PLD5: variants seen among roughly 807,000 people sequenced by gnomAD.
PLD5 encodes the protein phospholipase D family member 5, also known as inactive phospholipase D5.
PLD5 carries 36 observed loss-of-function variants against 61.1 expected under a neutral mutation model. The ratio of observed to expected loss-of-function variants is 0.59; its 90% CI spans 0.45 to 0.78. PLD5 has a LOEUF of 0.78. PLD5 is among the 30% of genes least tolerant of loss of function. The pLI, the probability that PLD5 is intolerant of heterozygous loss-of-function variation, is 0.00. For synonymous variants in PLD5, 243 were observed against 242.8 expected (o/e 1.00, Z -0.01); for missense variants, 515 against 644.4 (o/e 0.80, Z 2.17).
intron 1 of PLD5, among the ~76,000 whole-genome samples, chr1:242,423,892 G>T (rs61845895): frequency 1.3e-5 from 2 of 151,990 alleles, no homozygotes; most frequent in Non-Finnish European, 1.5e-5. Context: ...CAGGGGCAAT[G>T]GTTTATTTTC....
intron 1 of PLD5, among the ~76,000 whole-genome samples, chr1:242,445,647 C>A (rs1017648094): frequency 3.3e-5 from 5 of 152,000 alleles, no homozygotes; most frequent in Admixed American, 2.6e-4. Context: ...TGGCAAATTT[C>A]TGTTGCTTTT....
chr1:242,335,080 C>T (rs976706267), intron 2 of PLD5, among the ~76,000 whole-genome samples: 10 of 151,970 alleles, frequency 6.6e-5, no homozygotes, highest in African/African-American at 2.2e-4. Context: ...TGTGAGACCC[C>T]ATCCACATGC....
chr1:242,181,231 G>T (rs185791103), intron 5 of PLD5, among the ~76,000 whole-genome samples: 28 of 152,276 alleles, frequency 1.8e-4, no homozygotes, highest in Admixed American at 1.6e-3. Flanking sequence ...GCTCTCAAAT[G>T]ATGCCAATAC....
chr1:242,403,445 C>A (rs1664051533), intron 1 of PLD5, among the ~76,000 whole-genome samples: 1 of 151,526 alleles, frequency 6.6e-6, no homozygotes, highest in East Asian at 1.9e-4. Flanking sequence ...CTTCAAGCTT[C>A]TCCCCATCAG....
intron 2 of PLD5, among the ~76,000 whole-genome samples, chr1:242,305,895 T>C (rs1676320557): frequency 6.6e-6 from 1 of 152,130 alleles, no homozygotes; most frequent in Admixed American, 6.5e-5. Context: ...ACAGGGTGTC[T>C]GGAGAGGAAT....
chr1:242,214,226 G>C (rs182434304), intron 5 of PLD5, among the ~76,000 whole-genome samples: 68 of 152,252 alleles, frequency 4.5e-4, no homozygotes, highest in Admixed American at 2.7e-3. Context: ...CAGTTTGGTG[G>C]AGACCACATA....
At chr1:242,161,802 T>C (rs1308085255) in intron 5 of PLD5, among the ~76,000 whole-genome samples, 1 of 152,116 alleles carries the variant, frequency 6.6e-6, no homozygotes, top group Non-Finnish European at 1.5e-5. Context: ...AGAAATATAT[T>C]TGGTGCCCTT....
intron 1 of PLD5, among the ~76,000 whole-genome samples, chr1:242,405,092 G>C (rs1664158792): frequency 6.6e-6 from 1 of 151,832 alleles, no homozygotes; most frequent in African/African-American, 2.4e-5. Flanking sequence ...AGTTGACCAG[G>C]CTGGTCTTGA....
chr1:242,136,078 C>T (rs1663700427), intron 5 of PLD5, among the ~76,000 whole-genome samples: 1 of 152,204 alleles, frequency 6.6e-6, no homozygotes, highest in African/African-American at 2.4e-5. Flanking sequence ...GGGACATACA[C>T]AACCTGCAGA....
intron 1 of PLD5, among the ~76,000 whole-genome samples, chr1:242,462,610 T>TAA (rs35055569): frequency 0.043 from 6,232 of 145,924 alleles, 188 homozygotes; most frequent in Middle Eastern, 0.065. Context: ...AAAGTTGAAA[T>TAA]AAAAAAAAAA....
At chr1:242,333,220 G>A (rs561626482) in intron 2 of PLD5, among the ~76,000 whole-genome samples, 64 of 152,250 alleles carry the variant, frequency 4.2e-4, no homozygotes, top group Middle Eastern at 3.4e-3. Flanking sequence ...AGAAAGCAGA[G>A]GATCCTGCAG....
At chr1:242,419,980 C>A (rs1320605394) in intron 1 of PLD5, among the ~76,000 whole-genome samples, 1 of 152,108 alleles carries the variant, frequency 6.6e-6, no homozygotes, top group Non-Finnish European at 1.5e-5. Flanking sequence ...GATTAGGGAG[C>A]TTGAGACCCA....
chr1:242,528,855 T>TTATA (rs1470641425), upstream of PLD5, among the ~76,000 whole-genome samples: 1 of 152,236 alleles, frequency 6.6e-6, no homozygotes, highest in Non-Finnish European at 1.5e-5. Context: ...TTCTTAGCAA[T>TTATA]TATAAGTTGT....
intron 1 of PLD5, among the ~76,000 whole-genome samples, chr1:242,497,253 GT>G (rs1340231354): frequency 3.9e-5 from 6 of 152,160 alleles, no homozygotes; most frequent in Admixed American, 6.5e-5. Flanking sequence ...AACATTCAGA[GT>G]TCTTTCAATG....
chr1:242,114,053 T>C, intron 6 of PLD5, 27 bp from the exon 7 acceptor site: 2 of 1,604,196 alleles, frequency 1.2e-6, no homozygotes, highest in Non-Finnish European at 1.7e-6. Context: ...GCCAAACTTT[T>C]AGCGTACTAA....
chr1:242,194,638 C>G (rs981162469), intron 5 of PLD5, among the ~76,000 whole-genome samples: 30 of 117,624 alleles, frequency 2.6e-4, no homozygotes, highest in South Asian at 1.4e-3. Context: ...ATCTATCTAT[C>G]TATCTATCTA....
chr1:242,328,955 T>C (rs888537786), intron 2 of PLD5, among the ~76,000 whole-genome samples: 3 of 152,174 alleles, frequency 2.0e-5, no homozygotes, highest in African/African-American at 7.2e-5. Flanking sequence ...TTCCTACTCC[T>C]ATTTCTTTTC....
At chr1:242,484,658 A>G (rs1421078091) in intron 1 of PLD5, among the ~76,000 whole-genome samples, 2 of 152,140 alleles carry the variant, frequency 1.3e-5, no homozygotes, top group South Asian at 2.1e-4. Context: ...CATTCCTTCT[A>G]AAACTATTCC....
chr1:242,281,541 G>A (rs1012524027), intron 3 of PLD5, among the ~76,000 whole-genome samples: 1 of 148,364 alleles, frequency 6.7e-6, no homozygotes, highest in African/African-American at 2.4e-5. Flanking sequence ...ACACACACAC[G>A]TGCAAATATA....
Sources: allele counts gnomAD v4.1 joint callset (sites outside exome capture counted in the v4.1 genomes callset), GRCh38; gene constraint gnomAD v4.1.1; transcripts MANE v1.5; gene names NCBI Gene and HGNC (gene_info 2026-07-23, HGNC 2026-07-21).